Variants in ATP10B observed in about 807,000 individuals in gnomAD.
The protein encoded by ATP10B is phospholipid-transporting ATPase VB.
In ATP10B, 122 loss-of-function variants were observed where a neutral mutation model predicts 141.2. That is an observed-to-expected ratio of 0.86 (90% confidence interval 0.75 to 1.00). ATP10B has a LOEUF of 1.00. Among genes scored for constraint, ATP10B ranks in the 50% least tolerant of loss-of-function variants. The pLI, the probability that ATP10B is intolerant of heterozygous loss-of-function variation, is 0.00. For synonymous variants in ATP10B, 685 were observed against 692.0 expected (o/e 0.99, Z 0.16); for missense variants, 1,876 against 1,825.3 (o/e 1.03, Z -0.51).
intron 2 of ATP10B, among the ~76,000 whole-genome samples, chr5:160,755,365 A>G (rs941142288): frequency 8.5e-5 from 13 of 152,196 alleles, no homozygotes; most frequent in Non-Finnish European, 4.4e-5. Flanking sequence ...ACAAATCCAA[A>G]CAATATCAGT....
intron 7 of ATP10B, among the ~76,000 whole-genome samples, chr5:160,656,987 T>G (rs1234129259): frequency 6.6e-6 from 1 of 152,130 alleles, no homozygotes; most frequent in Non-Finnish European, 1.5e-5. Context: ...ATTCCCAGGC[T>G]AAAGGAATAC....
chr5:160,917,299 T>C, the ATP10B span, among the ~76,000 whole-genome samples: 48 of 148,380 alleles, frequency 3.2e-4, 1 homozygote, highest in South Asian at 1.0e-2. Context: ...GTGCATTATC[T>C]CATTACTGTA....
the ATP10B span, among the ~76,000 whole-genome samples, chr5:160,874,004 C>T: frequency 6.6e-6 from 1 of 152,180 alleles, no homozygotes. Context: ...ACAAAGCAGC[C>T]CAGAAGTTCG....
chr5:160,798,465 G>T (rs1772117756), intron 1 of ATP10B, among the ~76,000 whole-genome samples: 1 of 152,104 alleles, frequency 6.6e-6, no homozygotes, highest in Non-Finnish European at 1.5e-5. Context: ...CAGGGAAGAA[G>T]GCCCCATGAA....
the ATP10B span, among the ~76,000 whole-genome samples, chr5:160,898,164 C>G: frequency 0.46 from 70,214 of 151,986 alleles, 17,312 homozygotes; most frequent in Non-Finnish European, 0.54. Context: ...TCTAATTAAA[C>G]TAAAGAGCTT....
At chr5:160,616,331 G>C (rs998695271) in intron 16 of ATP10B, among the ~76,000 whole-genome samples, 4 of 152,206 alleles carry the variant, frequency 2.6e-5, no homozygotes, top group African/African-American at 9.7e-5. Flanking sequence ...TGATGGGATA[G>C]AAGAATAACT....
intron 2 of ATP10B, among the ~76,000 whole-genome samples, chr5:160,753,700 T>G (rs1768319214): frequency 6.6e-6 from 1 of 152,206 alleles, no homozygotes; most frequent in Non-Finnish European, 1.5e-5. Flanking sequence ...GCAACAATAA[T>G]AATGATGGTA....
the ATP10B span, among the ~76,000 whole-genome samples, chr5:160,916,830 A>G: frequency 2.0e-5 from 3 of 152,196 alleles, no homozygotes; most frequent in Non-Finnish European, 4.4e-5. Context: ...TTTAGAAAGC[A>G]TCTAGTTCAG....
the ATP10B span, among the ~76,000 whole-genome samples, chr5:160,882,463 G>A: frequency 2.6e-5 from 4 of 151,846 alleles, no homozygotes; most frequent in East Asian, 1.9e-4. Flanking sequence ...TATTTTTTTT[G>A]TAGAGATGGG....
chr5:160,733,016 A>C (rs768257578), intron 2 of ATP10B, among the ~76,000 whole-genome samples: 1 of 152,110 alleles, frequency 6.6e-6, no homozygotes, highest in African/African-American at 2.4e-5. Flanking sequence ...TTTGATAGGT[A>C]TTGTATTAAA....
At chr5:160,927,026 A>G in the ATP10B span, among the ~76,000 whole-genome samples, 1 of 152,336 alleles carries the variant, frequency 6.6e-6, no homozygotes, top group Non-Finnish European at 1.5e-5. Context: ...ACAACCTCAC[A>G]TGCTATAGAG....
intron 2 of ATP10B, among the ~76,000 whole-genome samples, chr5:160,782,479 A>T (rs551327572): frequency 9.3e-4 from 130 of 140,016 alleles, no homozygotes; most frequent in African/African-American, 1.4e-3. Flanking sequence ...ACACACACAC[A>T]CTCACTCACT....
intron 7 of ATP10B, among the ~76,000 whole-genome samples, chr5:160,661,225 A>T (rs942227870): frequency 2.0e-5 from 3 of 152,078 alleles, no homozygotes; most frequent in Non-Finnish European, 4.4e-5. Flanking sequence ...CTACAACAAC[A>T]AGAGAAATCA....
the ATP10B span, among the ~76,000 whole-genome samples, chr5:160,905,720 A>AAACATTTAAACATT: frequency 1.8e-5 from 2 of 112,764 alleles, no homozygotes; most frequent in East Asian, 5.5e-4. Flanking sequence ...GATTGCTATT[A>AAACATTTAAACATT]TAATGTGTTA....
At chr5:160,874,167 CCA>C in the ATP10B span, among the ~76,000 whole-genome samples, 1 of 152,082 alleles carries the variant, frequency 6.6e-6, no homozygotes, top group East Asian at 1.9e-4. Context: ...AGTGGTTCTC[CCA>C]GCACGCAGCT....
At chr5:160,921,872 C>T in the ATP10B span, among the ~76,000 whole-genome samples, 3 of 152,188 alleles carry the variant, frequency 2.0e-5, no homozygotes, top group African/African-American at 7.2e-5. Context: ...CTTATACCCG[C>T]AGGCAGCCTT....
chr5:160,818,201 T>G (rs77860027), intron 1 of ATP10B, among the ~76,000 whole-genome samples: 2 of 152,002 alleles, frequency 1.3e-5, no homozygotes, highest in Middle Eastern at 6.8e-3. Flanking sequence ...CTACCATCAG[T>G]GTAAACAGGC....
At chr5:160,814,961 G>T (rs537833312) in intron 1 of ATP10B, among the ~76,000 whole-genome samples, 1 of 152,158 alleles carries the variant, frequency 6.6e-6, no homozygotes, top group Admixed American at 6.5e-5. Flanking sequence ...CGCCAGGCCT[G>T]CCCTAAAAGA....
intron 13 of ATP10B, among the ~76,000 whole-genome samples, chr5:160,622,920 T>C (rs1758431899): frequency 6.6e-6 from 1 of 152,206 alleles, no homozygotes. Flanking sequence ...TCACCTTTTT[T>C]TTTCTAATCC....
Sources: allele counts gnomAD v4.1 joint callset (sites outside exome capture counted in the v4.1 genomes callset), GRCh38; gene constraint gnomAD v4.1.1; transcripts MANE v1.5; gene names NCBI Gene and HGNC (gene_info 2026-07-23, HGNC 2026-07-21).